Variants in SHANK2 observed in about 807,000 individuals in gnomAD.
SHANK2 encodes the protein SH3 and multiple ankyrin repeat domains protein 2.
Under a neutral mutation model 133.7 loss-of-function variants are expected in SHANK2, and 43 were observed. The observed-to-expected ratio is 0.32, with a 90% CI of 0.25 to 0.41. The LOEUF (loss-of-function observed/expected upper bound fraction) is 0.41, where lower values mean the gene tolerates loss of function less well. Ranked by LOEUF, SHANK2 falls within the 10% of genes least tolerant of loss-of-function variation. SHANK2 has a pLI of 1.00. For missense variants in SHANK2, 1,994 were observed against 2,235.8 expected (o/e 0.89, Z 2.18); for synonymous variants, 1,017 against 952.8 (o/e 1.07, Z -1.24).
At chr11:71,166,152 C>G (rs1049312586) in intron 2 of SHANK2, among the ~76,000 whole-genome samples, 1 of 152,182 alleles carries the variant, frequency 6.6e-6, no homozygotes, top group Non-Finnish European at 1.5e-5. Flanking sequence ...ATCAAAACTA[C>G]ACAGGCCAAG....
intron 2 of SHANK2, among the ~76,000 whole-genome samples, chr11:71,210,250 A>T (rs187948567): frequency 0.011 from 920 of 85,072 alleles, 9 homozygotes; most frequent in African/African-American, 0.02. Context: ...ATATATATAT[A>T]TATTTATTTA....
chr11:71,200,794 G>A (rs1026011527), intron 2 of SHANK2, among the ~76,000 whole-genome samples: 122 of 150,088 alleles, frequency 8.1e-4, no homozygotes, highest in African/African-American at 3.0e-3. Context: ...TTTGTCCTCA[G>A]TCACCAGACC....
chr11:70,900,038 G>C (rs1320141847), intron 10 of SHANK2, among the ~76,000 whole-genome samples: 1 of 152,164 alleles, frequency 6.6e-6, no homozygotes, highest in African/African-American at 2.4e-5. Flanking sequence ...GCAGTGCGTG[G>C]CACATGGCCA....
intron 19 of SHANK2, 48 bp downstream of exon 19, chr11:70,502,158 G>C: frequency 6.5e-7 from 1 of 1,538,820 alleles, no homozygotes; most frequent in Non-Finnish European, 8.8e-7. Flanking sequence ...GGGCAGCTCA[G>C]GGACCGGCAT....
At chr11:70,551,275 C>T (rs10751247) in intron 17 of SHANK2, among the ~76,000 whole-genome samples, 4 of 151,920 alleles carry the variant, frequency 2.6e-5, no homozygotes, top group Non-Finnish European at 4.4e-5. Context: ...GGCCTTGAGA[C>T]GGAGGCTGGA....
At chr11:70,816,711 G>T (rs1181256747) in intron 12 of SHANK2, among the ~76,000 whole-genome samples, 1 of 152,206 alleles carries the variant, frequency 6.6e-6, no homozygotes, top group Non-Finnish European at 1.5e-5. Flanking sequence ...CCCTGGGTTG[G>T]GTTGCACAGT....
intron 8 of SHANK2, among the ~76,000 whole-genome samples, chr11:71,091,194 T>C (rs951387970): frequency 3.9e-5 from 6 of 152,224 alleles, no homozygotes; most frequent in African/African-American, 1.4e-4. Context: ...CAGTCATTAC[T>C]GCTTCCCTGC....
chr11:70,513,050 AT>A (rs1439890299), intron 17 of SHANK2, among the ~76,000 whole-genome samples: 2 of 152,344 alleles, frequency 1.3e-5, no homozygotes, highest in East Asian at 3.9e-4. Context: ...CAACAAATAA[AT>A]TCTCTGAAGG....
chr11:70,624,464 C>T (rs917319365), intron 17 of SHANK2, among the ~76,000 whole-genome samples: 3 of 151,986 alleles, frequency 2.0e-5, no homozygotes, highest in Non-Finnish European at 4.4e-5. Flanking sequence ...CCAGGATTCA[C>T]CCCCAGACAT....
intron 8 of SHANK2, among the ~76,000 whole-genome samples, chr11:71,085,473 T>TAA (rs1951366296): frequency 2.4e-5 from 3 of 125,372 alleles, no homozygotes; most frequent in African/African-American, 3.1e-5. Flanking sequence ...TATATATATA[T>TAA]AATATATATG....
chr11:70,626,553 C>A (rs1298227035), intron 17 of SHANK2, among the ~76,000 whole-genome samples: 1 of 152,192 alleles, frequency 6.6e-6, no homozygotes, highest in Non-Finnish European at 1.5e-5. Flanking sequence ...CAGCTCTAGT[C>A]CTCGGCCAGA....
At chr11:71,058,428 A>C (rs1027931379) in intron 9 of SHANK2, among the ~76,000 whole-genome samples, 12,908 of 152,242 alleles carry the variant, frequency 0.085, 1,593 homozygotes, top group African/African-American at 0.27. Flanking sequence ...GCAAATAACT[A>C]CTAATAAAAA....
chr11:71,169,997 A>G (rs1953278742), intron 2 of SHANK2, among the ~76,000 whole-genome samples: 2 of 150,806 alleles, frequency 1.3e-5, no homozygotes, highest in Non-Finnish European at 2.9e-5. Flanking sequence ...GCCTGGACAT[A>G]ATAGCAAGAC....
intron 17 of SHANK2, among the ~76,000 whole-genome samples, chr11:70,587,617 C>A (rs1372539439): frequency 6.6e-6 from 1 of 152,046 alleles, no homozygotes; most frequent in Non-Finnish European, 1.5e-5. Flanking sequence ...TGTTTTATTA[C>A]CCCTTGCTTT....
In SHANK2 at chr11:71,113,399, G is replaced by A. The variant is rs1454716312; in HGVS notation, c.412-35C>T. 2.6e-6 allele frequency: 4 copies of A among 1,534,160 alleles called. No homozygotes were observed. The African/African-American group carries it at 5.5e-5, about 21-fold the overall frequency. On this transcript the variant is annotated intron_variant, in intron 4 of 25. Coordinates refer to ENST00000601538, the MANE Select transcript of SHANK2 (RefSeq NM_012309.5). ...AAAACAAAAAAGAGAGAGAAAACAA[G>A]TCAATACTTCTCAGAGTTGTTCAGA...
chr11:70,630,191 G>A (rs1284704607), intron 17 of SHANK2, among the ~76,000 whole-genome samples: 3 of 152,250 alleles, frequency 2.0e-5, no homozygotes, highest in African/African-American at 7.2e-5. Flanking sequence ...GCAAGAGAAA[G>A]GTCAGCCATC....
At chr11:70,530,781 C>G (rs1554973013) in intron 17 of SHANK2, among the ~76,000 whole-genome samples, 1 of 151,872 alleles carries the variant, frequency 6.6e-6, no homozygotes, top group African/African-American at 2.4e-5. Flanking sequence ...TTACTGGGGA[C>G]AGTGTTTATT....
chr11:70,828,154 C>T (rs373381198), intron 11 of SHANK2, among the ~76,000 whole-genome samples: 4 of 152,214 alleles, frequency 2.6e-5, no homozygotes, highest in South Asian at 2.1e-4. Context: ...TGTGGTCGTG[C>T]GCCTGTGGTC....
intron 1 of SHANK2, among the ~76,000 whole-genome samples, chr11:71,237,513 T>C (rs541820014): frequency 7.5e-4 from 114 of 152,306 alleles, no homozygotes; most frequent in Non-Finnish European, 1.4e-3. Flanking sequence ...AAAGGTTAAC[T>C]AACACGACCC....
Sources: gnomAD v4.1 joint callset for allele counts (sites outside exome capture counted in the v4.1 genomes callset) on GRCh38, gnomAD v4.1.1 for gene constraint, MANE v1.5 for transcripts, NCBI Gene and HGNC (gene_info 2026-07-23, HGNC 2026-07-21) for gene names.